PRKCB: variants seen among roughly 807,000 people sequenced by gnomAD.
The protein encoded by PRKCB is protein kinase C beta type.
A neutral mutation model predicts 81.5 loss-of-function variants in PRKCB; 13 were observed. The observed-to-expected ratio is 0.16, with a 90% CI of 0.10 to 0.25. The LOEUF (loss-of-function observed/expected upper bound fraction) is 0.25, where lower values mean the gene tolerates loss of function less well. PRKCB is among the 10% of genes least tolerant of loss of function. The pLI is 1.00. For synonymous variants in PRKCB, 335 were observed against 321.4 expected (o/e 1.04, Z -0.45); for missense variants, 509 against 875.7 (o/e 0.58, Z 5.29).
intron 9 of PRKCB, among the ~76,000 whole-genome samples, chr16:24,128,206 C>G (rs1051066192): frequency 6.6e-6 from 1 of 152,180 alleles, no homozygotes; most frequent in Admixed American, 6.5e-5. Context: ...GAAACCCTGT[C>G]TCTACTAAAA....
intron 8 of PRKCB, among the ~76,000 whole-genome samples, chr16:24,120,503 G>A (rs1285653018): frequency 2.6e-5 from 4 of 151,998 alleles, no homozygotes; most frequent in Non-Finnish European, 2.9e-5. Flanking sequence ...AAATCACACC[G>A]GTCATCTCTG....
chr16:23,886,504 C>T (rs1963205621), intron 2 of PRKCB, among the ~76,000 whole-genome samples: 1 of 147,364 alleles, frequency 6.8e-6, no homozygotes, highest in African/African-American at 2.5e-5. Flanking sequence ...CCTCCGCCTC[C>T]TGGGTTCAAC....
At chr16:24,101,132 A>C (rs1008812250) in intron 7 of PRKCB, among the ~76,000 whole-genome samples, 1 of 152,228 alleles carries the variant, frequency 6.6e-6, no homozygotes, top group African/African-American at 2.4e-5. Context: ...CTCTGGCTAC[A>C]TGTCTCTGGA....
chr16:24,211,634 C>A (rs936165125), intron 16 of PRKCB, among the ~76,000 whole-genome samples: 3 of 150,922 alleles, frequency 2.0e-5, no homozygotes, highest in African/African-American at 7.3e-5. Context: ...TCTCAGCTCA[C>A]TGTAACCTCT....
intron 10 of PRKCB, among the ~76,000 whole-genome samples, chr16:24,168,408 G>T (rs1217699281): frequency 2.0e-5 from 3 of 152,034 alleles, no homozygotes; most frequent in Admixed American, 6.6e-5. Context: ...CACCTTTTAC[G>T]TTGTGACTCA....
chr16:24,220,275 T>C lies in PRKCB; in HGVS notation c.*5459T>C, dbSNP rs1968302860. ...TTGTATGTGTAGCTTGCTAGTTTGT[T>C]TTCTACATTTGAAAATGTTTAGTTT... On this transcript the variant is annotated 3_prime_UTR_variant, in exon 17 of 17. Coordinates refer to ENST00000643927, the MANE Select transcript of PRKCB (RefSeq NM_002738.7). 1.4e-5 allele frequency: 11 copies of C among 811,274 alleles called. No individual in the cohort carries two copies. The South Asian group carries it at 2.1e-4, about 16-fold the overall frequency. The allele number at this position is 811,274 out of a possible 1,614,324, so 50.3% of individuals were successfully genotyped here.
intron 8 of PRKCB, among the ~76,000 whole-genome samples, chr16:24,114,754 A>G (rs1966716594): frequency 6.6e-6 from 1 of 152,180 alleles, no homozygotes; most frequent in African/African-American, 2.4e-5. Context: ...ATTCTAGATA[A>G]ACCATGATGG....
chr16:24,176,955 G>A (rs558353302), intron 12 of PRKCB, among the ~76,000 whole-genome samples: 7 of 151,236 alleles, frequency 4.6e-5, no homozygotes, highest in Non-Finnish European at 7.4e-5. Context: ...AATTCAAGCC[G>A]ATGACTTCAG....
intron 2 of PRKCB, among the ~76,000 whole-genome samples, chr16:23,913,626 G>A (rs1963694686): frequency 6.6e-6 from 1 of 152,256 alleles, no homozygotes; most frequent in East Asian, 1.9e-4. Context: ...GAAAGCTTGA[G>A]TCTGAACGGT....
chr16:24,116,416 A>G (rs1966738095), intron 8 of PRKCB, among the ~76,000 whole-genome samples: 1 of 152,074 alleles, frequency 6.6e-6, no homozygotes, highest in South Asian at 2.1e-4. Flanking sequence ...TATTTAAAAA[A>G]AAATAAAAAA....
Position 24,216,748 on chromosome 16 carries a change from A to G in PRKCB, c.*1932A>G. 1 of 985,482 alleles carries G rather than the reference A, an allele frequency of 1.0e-6. No individual in the cohort carries two copies. The highest frequency in any genetic ancestry group is 4.7e-5 in the South Asian group (1 of 21,294). 61.0% of individuals were successfully genotyped at this position (985,482 alleles called of 1,614,324 possible). On this transcript the variant is annotated 3_prime_UTR_variant, in exon 17 of 17. Transcript: ENST00000643927. ...AGCAAACTTGAAGTTCTATCTGACA[A>G]GTTTAGGCAGTAAGAGAAGGAGGGA...
At chr16:23,931,340 A>G (rs974171094) in intron 2 of PRKCB, among the ~76,000 whole-genome samples, 2 of 152,184 alleles carry the variant, frequency 1.3e-5, no homozygotes, top group Non-Finnish European at 2.9e-5. Context: ...TCAGTAGACC[A>G]GGAGGCCTCC....
chr16:24,183,120 A>G lies in PRKCB; in HGVS notation c.1534-1991A>G, dbSNP rs1039244303. On this transcript the variant is annotated intron_variant, in intron 13 of 16. Transcript: ENST00000643927. ...CGTGATCCGCCCGCCTCGGCCTCCC[A>G]AAGTGGAAAACACGTTCAATGAGAA... Among the ~76,000 whole-genome samples the G allele has an allele frequency of 1.6e-4, 24 of 152,078 alleles. 1 individual carries two copies. Among genetic ancestry groups the G allele is most frequent in the Non-Finnish European group, 2.5e-4 (17 of 68,028 alleles).
At chr16:24,010,311 A>G (rs57852709) in intron 3 of PRKCB, among the ~76,000 whole-genome samples, 11,320 of 152,266 alleles carry the variant, frequency 0.074, 832 homozygotes, top group African/African-American at 0.19. Flanking sequence ...TTCCAGAGAA[A>G]TCTGAAATCC....
At chr16:23,848,486 G>T (rs898774055) in intron 2 of PRKCB, among the ~76,000 whole-genome samples, 1 of 152,166 alleles carries the variant, frequency 6.6e-6, no homozygotes, top group South Asian at 2.1e-4. Context: ...TCTATTTTGA[G>T]GGTGGTTACT....
intron 3 of PRKCB, among the ~76,000 whole-genome samples, chr16:24,021,645 G>A (rs1340191718): frequency 6.6e-6 from 1 of 152,006 alleles, no homozygotes; most frequent in Non-Finnish European, 1.5e-5. Context: ...AGGGGACACT[G>A]AGGGGTTCCC....
chr16:24,082,530 A>C (rs918322537), intron 5 of PRKCB, among the ~76,000 whole-genome samples: 1 of 152,238 alleles, frequency 6.6e-6, no homozygotes, highest in Admixed American at 6.5e-5. Flanking sequence ...ATTGGAACAC[A>C]GTAGAGAATC....
chr16:24,053,590 A>T (rs1219280687), intron 5 of PRKCB, among the ~76,000 whole-genome samples: 8 of 149,830 alleles, frequency 5.3e-5, no homozygotes, highest in Non-Finnish European at 1.2e-4. Flanking sequence ...AGAGGATGGG[A>T]AGGAGGCAGG....
Position 23,997,251 on chromosome 16 carries a change from A to C in PRKCB, c.288+8661A>C, listed in dbSNP as rs559037366. On this transcript the variant is annotated intron_variant, in intron 3 of 16. Coordinates refer to ENST00000643927, the MANE Select transcript of PRKCB (RefSeq NM_002738.7). ...AAGGGGAAATTGGACACTACTCTAC[A>C]ATGGAGAAAAGGAAAAATGTGTCTG... Among the ~76,000 whole-genome samples, 15 of 152,324 alleles carry C rather than the reference A, an allele frequency of 9.8e-5. 1 individual carries two copies. In the South Asian group the frequency reaches 3.1e-3, roughly 32 times the overall value.
Sources: allele counts gnomAD v4.1 joint callset (sites outside exome capture counted in the v4.1 genomes callset), GRCh38; gene constraint gnomAD v4.1.1; transcripts MANE v1.5; gene names NCBI Gene and HGNC (gene_info 2026-07-23, HGNC 2026-07-21).